The following FLACC1 variants were observed in gnomAD, a reference collection of about 807,000 sequenced individuals.
FLACC1 encodes the protein flagellum associated containing coiled-coil domains 1, also known as flagellum-associated coiled-coil domain-containing protein 1.
FLACC1 carries 66 observed loss-of-function variants against 62.8 expected under a neutral mutation model. The ratio of observed to expected loss-of-function variants is 1.05; its 90% CI spans 0.86 to 1.29. The LOEUF (loss-of-function observed/expected upper bound fraction) is 1.29, where lower values mean the gene tolerates loss of function less well. FLACC1 is among the 50% of genes most tolerant of loss of function. The probability of loss-of-function intolerance (pLI) is 0.00; values close to 1 mark genes in which losing one functional copy is unlikely to be tolerated. For missense variants in FLACC1, 452 were observed against 489.1 expected (o/e 0.92, Z 0.71); for synonymous variants, 156 against 161.0 (o/e 0.97, Z 0.24).
intron 12 of FLACC1, 54 bp from the exon 13 acceptor site, chr2:201,289,839 C>G (rs750263047): frequency 6.2e-7 from 1 of 1,613,452 alleles, no homozygotes; most frequent in Non-Finnish European, 8.5e-7. Context: ...TTTATTTGGT[C>G]TCTTCTCCAG....
chr2:201,342,407 A>C lies in FLACC1; in HGVS notation c.487T>G (p.Cys163Gly). Residue 163 changes from cysteine (C) to glycine (G), a missense_variant, in exon 7 of 15, where the codon TGT (cysteine) becomes GGT (glycine). By Grantham distance (159) the Cys-to-Gly change is radical. Coordinates refer to ENST00000392257, the MANE Select transcript of FLACC1 (RefSeq NM_001127391.3). ...TCAAAGTTCTGTTTCATCTCAGCAC[A>C]GCGGAGATCCATTTCACTGGAGAGC... is the stretch of plus-strand genomic sequence containing the variant. ...KLLSSEMDLR[C>G]AEMKQNFENK... is the part of the protein sequence containing the mutation. 6.2e-7 allele frequency: 1 copy of C among 1,614,224 alleles called. No homozygotes were observed. Among genetic ancestry groups the C allele is most frequent in the Non-Finnish European group, 8.5e-7 (1 of 1,180,018 alleles).
chr2:201,296,558 T>A (rs967952387), intron 12 of FLACC1, among the ~76,000 whole-genome samples: 1 of 151,538 alleles, frequency 6.6e-6, no homozygotes, highest in Admixed American at 6.6e-5. Flanking sequence ...ATATACCTAA[T>A]GTTAAATGAC....
intron 1 of FLACC1, among the ~76,000 whole-genome samples, chr2:201,352,482 C>G (rs1951045669): frequency 1.3e-5 from 2 of 152,118 alleles, no homozygotes; most frequent in African/African-American, 4.8e-5. Context: ...TTTAGTTCCA[C>G]AAGAGCAAGA....
chr2:201,296,912 C>T (rs964507961), intron 12 of FLACC1, among the ~76,000 whole-genome samples: 5 of 152,052 alleles, frequency 3.3e-5, no homozygotes, highest in African/African-American at 7.3e-5. Context: ...GGGAAAGCAA[C>T]GGAACTAAGG....
At chr2:201,323,630 T>C (rs1265230806) in intron 9 of FLACC1, among the ~76,000 whole-genome samples, 4 of 151,058 alleles carry the variant, frequency 2.6e-5, no homozygotes, top group South Asian at 2.1e-4. Context: ...TACTAAAAAA[T>C]ACAAAAATTA....
intron 1 of FLACC1, among the ~76,000 whole-genome samples, chr2:201,356,015 A>G (rs1951110971): frequency 6.6e-6 from 1 of 152,194 alleles, no homozygotes; most frequent in Admixed American, 6.5e-5. Context: ...TCCCACCTCC[A>G]TGCCAGGCAT....
chr2:201,363,696 T>C, the FLACC1 span, among the ~76,000 whole-genome samples: 1 of 152,178 alleles, frequency 6.6e-6, no homozygotes, highest in Non-Finnish European at 1.5e-5. Flanking sequence ...CTCACTTGCC[T>C]GGAACAGCAG....
At chr2:201,348,155 A>G (rs1262631849) in intron 4 of FLACC1, 99 bp downstream of exon 4, 1 of 1,217,148 alleles carries the variant, frequency 8.2e-7, no homozygotes, top group Admixed American at 2.4e-5. Flanking sequence ...CTTTGTGAAG[A>G]TTCGACAAGG....
rs564608706 is a variant in FLACC1, at chr2:201,347,644, A to AAAC, written c.234+609_234+610insGTT. 1.6e-3 allele frequency among the ~76,000 whole-genome samples: 246 copies of AAAC among 151,930 alleles called. 1 individual carries two copies. Among genetic ancestry groups the AAAC allele is most frequent in the African/African-American group, 4.4e-3 (184 of 41,502 alleles). On this transcript the variant is annotated intron_variant, in intron 4 of 14. Transcript: ENST00000392257. Reference sequence around the variant, plus strand: ...AGACCTAAAACTAAAAAACAAAACAAAAAAAAGAAAGAAAAGAAACTAGAT... The same window carrying AAAC: ...AGACCTAAAACTAAAAAACAAAACAAAACAAAAAAGAAAGAAAAGAAACTAGAT...
chr2:201,309,205 C>A lies in FLACC1; in HGVS notation c.721G>T (p.Ala241Ser), dbSNP rs778998513. 1 of 1,614,076 alleles carries A rather than the reference C, an allele frequency of 6.2e-7. No homozygotes were observed. The highest frequency in any genetic ancestry group is 8.5e-7 in the Non-Finnish European group (1 of 1,179,974). ...AACTTCTCATCCTTCTTCCATTTCG[C>A]CTTCTGTTTTGACCACTTCTCTTCC... ...EMEEKWSKQKAKWKKDEKFER... is the reference protein window; with the variant it reads ...EMEEKWSKQKSKWKKDEKFER... Residue 241 changes from alanine (A) to serine (S), a missense_variant, in exon 10 of 15, where the codon GCG becomes TCG. This residue lies in a region of FLACC1 where 301 missense variants were observed against 318.4 expected (regional missense o/e 0.95). Transcript: ENST00000392257.
chr2:201,342,502 A>G, intron 6 of FLACC1, 71 bp from the exon 7 acceptor site: 1 of 1,508,692 alleles, frequency 6.6e-7, no homozygotes, highest in Non-Finnish European at 9.2e-7. Context: ...ACCTTCTGAA[A>G]AGCCTTCCAA....
chr2:201,318,844 TG>T (rs1244636416), intron 9 of FLACC1, among the ~76,000 whole-genome samples: 1 of 152,154 alleles, frequency 6.6e-6, no homozygotes, highest in Admixed American at 6.5e-5. Context: ...AACTCAGGAA[TG>T]GAAAACCAAA....
At chr2:201,313,065 T>A (rs1003226211) in intron 9 of FLACC1, among the ~76,000 whole-genome samples, 1 of 152,210 alleles carries the variant, frequency 6.6e-6, no homozygotes, top group Admixed American at 6.5e-5. Flanking sequence ...CCCTGTGGGC[T>A]CTCTGGGTTC....
chr2:201,300,816 C>T (rs1949965557), intron 11 of FLACC1, among the ~76,000 whole-genome samples: 1 of 152,206 alleles, frequency 6.6e-6, no homozygotes, highest in African/African-American at 2.4e-5. Context: ...CAAACAGGGT[C>T]TGGAGTGGAC....
Position 201,342,403 on chromosome 2 carries a change from G to A in FLACC1, c.491C>T (p.Ala164Val). ...GTTTTCAAAGTTCTGTTTCATCTCA[G>A]CACAGCGGAGATCCATTTCACTGGA... Reference protein sequence around the residue: ...LLSSEMDLRCAEMKQNFENKN... With the variant: ...LLSSEMDLRCVEMKQNFENKN... Residue 164 changes from alanine to valine, a missense_variant, in exon 7 of 15, where the codon GCT becomes GTT. Physicochemically the swap from Ala to Val is moderately conservative, Grantham distance 64. Around this residue, in one of 3 missense-constraint regions of FLACC1, gnomAD observed 301 missense variants for 318.4 expected, o/e 0.95. Transcript: ENST00000392257. The A allele has an allele frequency of 6.2e-7, 1 of 1,614,226 alleles. No homozygotes were observed. Among genetic ancestry groups the A allele is most frequent in the Non-Finnish European group, 8.5e-7 (1 of 1,180,026 alleles).
At chr2:201,288,833 G>T in intron 14 of FLACC1, 52 bp from the exon 15 acceptor site, 2 of 1,594,770 alleles carry the variant, frequency 1.3e-6, no homozygotes, top group Non-Finnish European at 1.7e-6. Context: ...GCTAGAAAGG[G>T]TATAGGATAT....
intron 7 of FLACC1, among the ~76,000 whole-genome samples, chr2:201,332,135 CTTATAA>C (rs1052382823): frequency 1.3e-4 from 20 of 151,890 alleles, no homozygotes; most frequent in African/African-American, 2.4e-4. Context: ...AAATTGATAA[CTTATAA>C]TTATATATAT....
At chr2:201,302,996 C>A (rs1950018909) in intron 11 of FLACC1, among the ~76,000 whole-genome samples, 1 of 152,252 alleles carries the variant, frequency 6.6e-6, no homozygotes, top group African/African-American at 2.4e-5. Flanking sequence ...CTAAAATTGA[C>A]ACCCTAACAT....
At chr2:201,359,327 C>T (rs1951164728), upstream of FLACC1, among the ~76,000 whole-genome samples, 2 of 152,142 alleles carry the variant, frequency 1.3e-5, no homozygotes, top group Admixed American at 6.5e-5. Flanking sequence ...CAAGTGGTGA[C>T]GTCTGTTAGA....
Sources: gnomAD v4.1 joint callset for allele counts (sites outside exome capture counted in the v4.1 genomes callset) on GRCh38, gnomAD v4.1.1 for gene constraint, gnomAD v4.1.1 regional missense constraint, MANE v1.5 for transcripts, NCBI Gene and HGNC (gene_info 2026-07-23, HGNC 2026-07-21) for gene names.